Variants in GPR158 observed in about 807,000 individuals in gnomAD.
The protein encoded by GPR158 is metabotropic glycine receptor.
In GPR158, 30 loss-of-function variants were observed where a neutral mutation model predicts 78.2. The ratio of observed to expected loss-of-function variants is 0.38; its 90% CI spans 0.29 to 0.52. The LOEUF (loss-of-function observed/expected upper bound fraction) is 0.52. Ranked by LOEUF, GPR158 falls within the 20% of genes least tolerant of loss-of-function variation. GPR158 has a pLI of 0.83. For missense variants in GPR158, 1,463 were observed against 1,523.5 expected (o/e 0.96, Z 0.66); for synonymous variants, 581 against 591.1 (o/e 0.98, Z 0.25).
chr10:25,364,000 A>G (rs1855680075), intron 2 of GPR158, among the ~76,000 whole-genome samples: 1 of 151,998 alleles, frequency 6.6e-6, no homozygotes, highest in Non-Finnish European at 1.5e-5. Context: ...TGAGAATTAC[A>G]TGAATTAATA....
chr10:25,587,371 A>G (rs1408933562), intron 7 of GPR158, among the ~76,000 whole-genome samples: 1 of 152,230 alleles, frequency 6.6e-6, no homozygotes, highest in East Asian at 1.9e-4. Flanking sequence ...GGTTTAGATG[A>G]GCCCTTGAAA....
rs535252980 is a variant in GPR158, at chr10:25,249,754, G to T, written c.1008+28597G>T. On this transcript the variant is annotated intron_variant, in intron 2 of 10. Coordinates refer to ENST00000376351, the MANE Select transcript of GPR158 (RefSeq NM_020752.3). ...GATTTTTGCATCAATGTTCATCAAG[G>T]ATATTGGCCTAAAATTCTCTTTTTT... 2.7e-3 allele frequency among the ~76,000 whole-genome samples: 416 copies of T among 152,242 alleles called. 3 individuals are homozygous for T. The highest frequency in any genetic ancestry group is 9.8e-3 in the African/African-American group (405 of 41,536).
At chr10:25,429,606 C>T (rs1302625699) in intron 4 of GPR158, among the ~76,000 whole-genome samples, 2 of 151,986 alleles carry the variant, frequency 1.3e-5, no homozygotes, top group East Asian at 1.9e-4. Context: ...ATGCAAAAAT[C>T]CTCAATAAAA....
intron 5 of GPR158, among the ~76,000 whole-genome samples, chr10:25,516,444 C>T (rs1354560571): frequency 6.6e-6 from 1 of 151,748 alleles, no homozygotes; most frequent in African/African-American, 2.4e-5. Context: ...AAGTCCTTGC[C>T]CATGCCTATG....
intron 5 of GPR158, among the ~76,000 whole-genome samples, chr10:25,535,249 A>C (rs2130697682): frequency 6.6e-6 from 1 of 152,348 alleles, no homozygotes; most frequent in East Asian, 1.9e-4. Flanking sequence ...TTGACTAATT[A>C]GTTTCTAATC....
At chr10:25,337,832 G>T (rs1285514693) in intron 2 of GPR158, among the ~76,000 whole-genome samples, 1 of 151,978 alleles carries the variant, frequency 6.6e-6, no homozygotes, top group Non-Finnish European at 1.5e-5. Context: ...CCTATCTGAT[G>T]TGCAGCACTA....
chr10:25,474,684 G>A (rs66516873), intron 5 of GPR158, among the ~76,000 whole-genome samples: 36,756 of 151,946 alleles, frequency 0.24, 6,140 homozygotes, highest in African/African-American at 0.48. Context: ...TGTCTTGCTC[G>A]GCACTGCATC....
At chr10:25,578,874 T>A (rs1197367260) in intron 7 of GPR158, among the ~76,000 whole-genome samples, 1 of 152,008 alleles carries the variant, frequency 6.6e-6, no homozygotes, top group Non-Finnish European at 1.5e-5. Flanking sequence ...CTGGGCATGG[T>A]GGCGGGCGCC....
At chr10:25,482,296 A>G (rs544011670) in intron 5 of GPR158, among the ~76,000 whole-genome samples, 1 of 151,828 alleles carries the variant, frequency 6.6e-6, no homozygotes, top group East Asian at 1.9e-4. Flanking sequence ...CGATCCTCCC[A>G]CCTCAGACTA....
Position 25,189,739 on chromosome 10 carries a change from G to A in GPR158, c.902+13417G>A, listed in dbSNP as rs529938354. On this transcript the variant is annotated intron_variant, in intron 1 of 10. Coordinates refer to ENST00000376351, the MANE Select transcript of GPR158 (RefSeq NM_020752.3). ...AACATGGCACATGTATACATATGTA[G>A]CAAACCTGCATGTTGTTCACATGTA... 2.0e-5 allele frequency among the ~76,000 whole-genome samples: 3 copies of A among 149,740 alleles called. No homozygotes were observed. In the South Asian group the frequency reaches 6.3e-4, roughly 31 times the overall value.
chr10:25,598,404 A>G lies in GPR158; in HGVS notation c.2778A>G (p.Glu926=). ...LAGKTQTAGV[E]ERTKSQKPLP... ...GGAAAACCCAAACAGCAGGTGTGGA[A>G]GAACGCACTAAATCCCAGAAACCTT... The change falls in exon 11 of 11, where the codon GAA becomes GAG. Residue 926 remains glutamate (E), a synonymous_variant. Coordinates refer to ENST00000376351, the MANE Select transcript of GPR158 (RefSeq NM_020752.3). The G allele has an allele frequency of 6.2e-7, 1 of 1,614,148 alleles. No individual in the cohort carries two copies. The highest frequency in any genetic ancestry group is 8.5e-7 in the Non-Finnish European group (1 of 1,180,020).
chr10:25,288,408 GTTTGGGGCTGA>G (rs1390451552), intron 2 of GPR158, among the ~76,000 whole-genome samples: 7 of 152,202 alleles, frequency 4.6e-5, no homozygotes, highest in African/African-American at 1.7e-4. Context: ...CAACCACATA[GTTTGGGGCTGA>G]TTCCATATAG....
At chr10:25,360,093 T>A (rs568620560) in intron 2 of GPR158, among the ~76,000 whole-genome samples, 1 of 152,344 alleles carries the variant, frequency 6.6e-6, no homozygotes, top group East Asian at 1.9e-4. Context: ...CTTCACCTAC[T>A]TTTTGATGAG....
chr10:25,590,614 AAACATGCTTTTCTAC>A (rs1837329787), intron 8 of GPR158, among the ~76,000 whole-genome samples: 1 of 152,180 alleles, frequency 6.6e-6, no homozygotes, highest in African/African-American at 2.4e-5. Context: ...AAGATATAAC[AAACATGCTTTTCTAC>A]AACCAGTTAC....
chr10:25,205,475 T>A (rs1472033201), intron 1 of GPR158, among the ~76,000 whole-genome samples: 2 of 152,028 alleles, frequency 1.3e-5, no homozygotes, highest in Non-Finnish European at 2.9e-5. Context: ...TTTTTCTTTT[T>A]TCTTTTTATG....
At chr10:25,493,128 A>C (rs1588886235) in intron 5 of GPR158, among the ~76,000 whole-genome samples, 1 of 152,244 alleles carries the variant, frequency 6.6e-6, no homozygotes, top group East Asian at 1.9e-4. Flanking sequence ...CTTTCACGAG[A>C]AGAGAGTTTT....
At chr10:25,258,183 G>A (rs1267772967) in intron 2 of GPR158, among the ~76,000 whole-genome samples, 1 of 152,162 alleles carries the variant, frequency 6.6e-6, no homozygotes, top group Non-Finnish European at 1.5e-5. Context: ...CTTAAACTAA[G>A]TGTAAGCAAC....
chr10:25,489,823 G>T (rs1835780720), intron 5 of GPR158, among the ~76,000 whole-genome samples: 1 of 152,076 alleles, frequency 6.6e-6, no homozygotes, highest in Non-Finnish European at 1.5e-5. Flanking sequence ...ACTAAAATCA[G>T]ATTCTTACCT....
At chr10:25,544,195 G>A (rs956695154) in intron 5 of GPR158, among the ~76,000 whole-genome samples, 2 of 152,024 alleles carry the variant, frequency 1.3e-5, no homozygotes, top group African/African-American at 4.8e-5. Flanking sequence ...TAAATAGAGT[G>A]GTATGCTTTA....
Sources: allele counts gnomAD v4.1 joint callset (sites outside exome capture counted in the v4.1 genomes callset), GRCh38; gene constraint gnomAD v4.1.1; transcripts MANE v1.5; gene names NCBI Gene and HGNC (gene_info 2026-07-23, HGNC 2026-07-21).